SH2B2: variants seen among roughly 807,000 people sequenced by gnomAD.
SH2B2 encodes SH2B adaptor protein 2.
In SH2B2, 37 loss-of-function variants were observed where a neutral mutation model predicts 35.7. The observed-to-expected ratio is 1.04, with a 90% CI of 0.80 to 1.36. The LOEUF is 1.36. Ranked by LOEUF, SH2B2 falls within the 40% of genes most tolerant of loss-of-function variation. The pLI is 0.00. For synonymous variants in SH2B2, 383 were observed against 376.4 expected, an observed-to-expected ratio of 1.02 and a Z score of -0.20; for missense variants, 852 against 817.7, an observed-to-expected ratio of 1.04 and a Z score of -0.51.
intron 1 of SH2B2, among the ~76,000 whole-genome samples, chr7:102,292,802 C>G (rs963231700): frequency 2.6e-5 from 4 of 152,190 alleles, no homozygotes; most frequent in Admixed American, 1.3e-4. Context: ...TAGTTCTGAC[C>G]GTCTCCCCCT....
chr7:102,287,631 G>C (rs1792507350), intron 1 of SH2B2, among the ~76,000 whole-genome samples: 1 of 152,160 alleles, frequency 6.6e-6, no homozygotes, highest in Admixed American at 6.5e-5. Flanking sequence ...CGGAGCCCCC[G>C]ATTGCCGGGA....
chr7:102,321,230 A>G, intron 8 of SH2B2, 69 bp from the exon 9 acceptor site: 1 of 1,259,498 alleles, frequency 7.9e-7, no homozygotes, highest in Non-Finnish European at 1.0e-6. Context: ...CCCTTGAGGG[A>G]TCCCGGCCTC....
chr7:102,303,494 C>T (rs1305007454), intron 2 of SH2B2, among the ~76,000 whole-genome samples: 2 of 152,126 alleles, frequency 1.3e-5, no homozygotes, highest in Non-Finnish European at 2.9e-5. Flanking sequence ...GTGTGGGCTC[C>T]CCAAGGCTCA....
chr7:102,317,502 C>A, intron 7 of SH2B2, 107 bp downstream of exon 7: 1 of 1,089,670 alleles, frequency 9.2e-7, no homozygotes, highest in Non-Finnish European at 1.3e-6. Context: ...TGCAGGCGAA[C>A]AGGTGTGGCA....
rs76705061 is a variant in SH2B2, at chr7:102,307,148, G to A, written c.831+326G>A. 7.0e-4 allele frequency among the ~76,000 whole-genome samples: 107 copies of A among 152,324 alleles called. 2 individuals are homozygous for A. The South Asian group carries it at 9.9e-3, about 14-fold the overall frequency. On this transcript the variant is annotated intron_variant, in intron 3 of 8. Transcript: ENST00000444095. ...ACTGGAGCTAGCACACACCCACCTC[G>A]CTGGTGGCCAGCCGGCAGCAGTTAT... is the stretch of plus-strand genomic sequence containing the variant.
chr7:102,301,586 G>A (rs782019058), intron 2 of SH2B2, among the ~76,000 whole-genome samples: 22 of 151,674 alleles, frequency 1.5e-4, no homozygotes, highest in Non-Finnish European at 2.2e-4. Flanking sequence ...GTGTGTGCGC[G>A]CGCGTGTGTG....
At chr7:102,318,188 G>C (rs1164065941) in intron 7 of SH2B2, among the ~76,000 whole-genome samples, 1 of 152,118 alleles carries the variant, frequency 6.6e-6, no homozygotes, top group Non-Finnish European at 1.5e-5. Context: ...CTCCAGGCTG[G>C]ATTGCAACAT....
chr7:102,318,900 G>A (rs2242586), intron 7 of SH2B2, among the ~76,000 whole-genome samples: 27,492 of 152,180 alleles, frequency 0.18, 2,916 homozygotes, highest in East Asian at 0.26. Flanking sequence ...GCCTCCCAGA[G>A]GGCCTGGATC....
intron 4 of SH2B2, among the ~76,000 whole-genome samples, chr7:102,311,476 A>C (rs532325004): frequency 6.6e-6 from 1 of 151,708 alleles, no homozygotes; most frequent in Non-Finnish European, 1.5e-5. Flanking sequence ...GCTCGTCTCG[A>C]ACTCTTGACC....
At position 102,317,318 on chromosome 7, in the gene SH2B2, G is replaced by C. The variant is rs781922810; in HGVS notation, c.1318G>C (p.Gly440Arg). ...LVLAGGPRNH[G>R]LFVIRQSETR... ...TCTGGCAGGGGGGCCCCGGAACCAC[G>C]GCCTCTTCGTGATCCGCCAAAGTGA... is the stretch of plus-strand genomic sequence containing the variant. Residue 440 changes from glycine (G) to arginine (R), a missense_variant, in exon 7 of 9, where the codon GGC becomes CGC. By Grantham distance (125) the Gly-to-Arg change is moderately radical. Around this residue, in one of 3 missense-constraint regions of SH2B2, gnomAD observed 556 missense variants for 514.5 expected, o/e 1.08. Coordinates refer to ENST00000444095, the MANE Select transcript of SH2B2 (RefSeq NM_001359228.2). 1 of 1,612,940 alleles carries C rather than the reference G, an allele frequency of 6.2e-7. No homozygotes were observed. Among genetic ancestry groups the C allele is most frequent in the Non-Finnish European group, 8.5e-7 (1 of 1,179,162 alleles).
At chr7:102,295,413 C>T (rs1030636725) in intron 1 of SH2B2, among the ~76,000 whole-genome samples, 1 of 152,188 alleles carries the variant, frequency 6.6e-6, no homozygotes, top group African/African-American at 2.4e-5. Context: ...GTGGCCCCAC[C>T]CCCACCCCAG....
chr7:102,304,761 T>C (rs1563557496), intron 2 of SH2B2, among the ~76,000 whole-genome samples: 1 of 152,200 alleles, frequency 6.6e-6, no homozygotes, highest in Non-Finnish European at 1.5e-5. Context: ...CTCTGTCTGC[T>C]CTGTCCCCAG....
At chr7:102,315,744 G>GAAA (rs61456197) in intron 6 of SH2B2, among the ~76,000 whole-genome samples, 943 of 90,548 alleles carry the variant, frequency 0.01, 24 homozygotes, top group African/African-American at 0.04. Flanking sequence ...CCTGTGAAAA[G>GAAA]AAAAAAAAAA....
Position 102,300,933 on chromosome 7 carries a change from A to C in SH2B2, c.383A>C (p.Lys128Thr). 1 of 1,488,140 alleles carries C rather than the reference A, an allele frequency of 6.7e-7. No individual in the cohort carries two copies. The highest frequency in any genetic ancestry group is 1.3e-5 in the South Asian group (1 of 79,270). 92.2% of individuals were successfully genotyped at this position (1,488,140 alleles called of 1,614,324 possible). A position where few individuals can be genotyped will look rare whatever the true frequency, so the allele number is the denominator to read the frequency against. ...GACGTGTCCACGCACGCGGCCACCA[A>C]GGCCCGCGTTCGCAAGGGCTTCTCG... is the stretch of plus-strand genomic sequence containing the variant. ...SEDVSTHAAT[K>T]ARVRKGFSLR... The change falls in exon 2 of 9, where the codon AAG (lysine) becomes ACG (threonine). Residue 128 changes from lysine to threonine, a missense_variant. This residue lies in a region of SH2B2 where 294 missense variants were observed against 286.6 expected (regional missense o/e 1.03). Transcript: ENST00000444095.
At chr7:102,306,632 G>A in intron 2 of SH2B2, 89 bp from the exon 3 acceptor site, 11 of 909,916 alleles carry the variant, frequency 1.2e-5, no homozygotes, top group Non-Finnish European at 2.0e-5. Flanking sequence ...GTCTATTTGA[G>A]GGCCACTCTA....
At chr7:102,288,401 C>T (rs1554551195) in intron 1 of SH2B2, among the ~76,000 whole-genome samples, 1 of 152,094 alleles carries the variant, frequency 6.6e-6, no homozygotes, top group African/African-American at 2.4e-5. Context: ...CCAGCTACTT[C>T]CTTAGAGGTC....
upstream of SH2B2, among the ~76,000 whole-genome samples, chr7:102,285,565 G>A (rs536918594): frequency 1.9e-4 from 29 of 152,354 alleles, no homozygotes; most frequent in African/African-American, 6.3e-4. Flanking sequence ...GGGCAGCACC[G>A]GGGTTTTGGG....
At chr7:102,305,476 G>C (rs1279182586) in intron 2 of SH2B2, among the ~76,000 whole-genome samples, 1 of 152,022 alleles carries the variant, frequency 6.6e-6, no homozygotes, top group Non-Finnish European at 1.5e-5. Flanking sequence ...ATGTTGCCCA[G>C]GCTGGTCTGG....
intron 4 of SH2B2, among the ~76,000 whole-genome samples, chr7:102,312,968 A>G (rs980634066): frequency 9.9e-5 from 15 of 151,738 alleles, no homozygotes; most frequent in Admixed American, 7.2e-4. Flanking sequence ...CATCTCTACT[A>G]AAAATACAAA....
Sources: gnomAD v4.1 joint callset for allele counts (sites outside exome capture counted in the v4.1 genomes callset) on GRCh38, gnomAD v4.1.1 for gene constraint, gnomAD v4.1.1 regional missense constraint, MANE v1.5 for transcripts, NCBI Gene and HGNC (gene_info 2026-07-23, HGNC 2026-07-21) for gene names.